Variants in TFEB observed in about 807,000 individuals in gnomAD.
TFEB encodes T-cell transcription factor EB.
Under a neutral mutation model 48.0 loss-of-function variants are expected in TFEB, and 12 were observed. The observed-to-expected ratio is 0.25, with a 90% CI of 0.16 to 0.40. TFEB has a LOEUF of 0.40. Ranked by LOEUF, TFEB falls within the 10% of genes least tolerant of loss-of-function variation. The probability of loss-of-function intolerance (pLI) is 1.00; values close to 1 mark genes in which losing one functional copy is unlikely to be tolerated. For synonymous variants in TFEB, 244 were observed against 261.4 expected, an observed-to-expected ratio of 0.93 and a Z score of 0.64; for missense variants, 509 against 640.3, an observed-to-expected ratio of 0.79 and a Z score of 2.21.
chr6:41,700,292 C>G (rs1334723194), intron 1 of TFEB, among the ~76,000 whole-genome samples: 2 of 152,092 alleles, frequency 1.3e-5, no homozygotes, highest in Non-Finnish European at 2.9e-5. Flanking sequence ...CGGTGAAACC[C>G]CGTCTCTACT....
Position 41,734,446 on chromosome 6 carries a change from C to G in TFEB, c.-23+904G>C, listed in dbSNP as rs1222609077. ...GGGGCCGAGCTGGCATCTGCCCGCT[C>G]CCTTCCAGGAGGCGAGCGGACGCGC... On this transcript the variant is annotated intron_variant, in intron 1 of 8. Coordinates refer to ENST00000373033, the MANE Select transcript of TFEB (RefSeq NM_001271944.2). This position sits in a 1 kb window ranked among gnomAD's most constrained non-coding sequence, Gnocchi z 4.0. 3.2e-6 allele frequency: 3 copies of G among 934,878 alleles called. No individual in the cohort carries two copies. The highest frequency in any genetic ancestry group is 3.8e-6 in the Non-Finnish European group (3 of 784,264). The allele number at this position is 934,878 out of a possible 1,614,324, so 57.9% of individuals were successfully genotyped here. A position where few individuals can be genotyped will look rare whatever the true frequency, so the allele number is the denominator to read the frequency against.
In TFEB at chr6:41,691,618, A is replaced by G; in HGVS notation, c.-22-383T>C. The G allele has an allele frequency of 2.4e-6, 1 of 420,482 alleles. No individual in the cohort carries two copies. Among genetic ancestry groups the G allele is most frequent in the Non-Finnish European group, 4.5e-6 (1 of 222,430 alleles). The allele number at this position is 420,482 out of a possible 1,614,324, so 26.0% of individuals were successfully genotyped here. A position where few individuals can be genotyped will look rare whatever the true frequency, so the allele number is the denominator to read the frequency against. Reference sequence around the variant, plus strand: ...CAGCCTATCCTGGGTCTTACCTGGAATCCCGCAGGAGTAGCCCAGTGTTCA... The same window carrying G: ...CAGCCTATCCTGGGTCTTACCTGGAGTCCCGCAGGAGTAGCCCAGTGTTCA... On this transcript the variant is annotated intron_variant, in intron 1 of 8. Transcript: ENST00000373033. This position sits in a 1 kb window ranked among gnomAD's most constrained non-coding sequence, Gnocchi z 5.2.
At chr6:41,695,516 C>G (rs1394986143) in intron 1 of TFEB, among the ~76,000 whole-genome samples, 5 of 152,068 alleles carry the variant, frequency 3.3e-5, no homozygotes, top group Non-Finnish European at 7.4e-5. Context: ...CCCATTTTTC[C>G]TGGAGGAAAC....
Position 41,691,527 on chromosome 6 carries a change from G to A in TFEB, c.-22-292C>T. On this transcript the variant is annotated intron_variant, in intron 1 of 8. Transcript: ENST00000373033. The surrounding 1 kb of genome is among the most constrained non-coding windows in gnomAD (Gnocchi z 5.2). Reference sequence around the variant, plus strand: ...CAACTTCCACTCCTCTCTGTGTCACGCCCACATCCTGATCCTGTTAGATCC... The same window carrying A: ...CAACTTCCACTCCTCTCTGTGTCACACCCACATCCTGATCCTGTTAGATCC... 2 of 612,500 alleles carry A rather than the reference G, an allele frequency of 3.3e-6. No homozygotes were observed. Among genetic ancestry groups the A allele is most frequent in the Admixed American group, 2.4e-5 (1 of 41,344 alleles). The allele number at this position is 612,500 out of a possible 1,614,324, so 37.9% of individuals were successfully genotyped here. A position where few individuals can be genotyped will look rare whatever the true frequency, so the allele number is the denominator to read the frequency against.
Position 41,684,769 on chromosome 6 carries a change from G to T in TFEB, c.1261C>A (p.His421Asn). The change falls in exon 9 of 9, where the codon CAT (histidine) becomes AAT (asparagine). Residue 421 changes from histidine (H) to asparagine (N), a missense_variant. His to Asn is a moderately conservative substitution (Grantham distance 68, BLOSUM62 1). Around this residue, in one of 4 missense-constraint regions of TFEB, gnomAD observed 168 missense variants for 161.0 expected, o/e 1.04. Coordinates refer to ENST00000373033, the MANE Select transcript of TFEB (RefSeq NM_001271944.2). ...GACAGGCTGGGGAATGGGGAGCCAT[G>T]CCCCGGCGCCAGGGGTTCGGGGTAG... ...PGYPEPLAPG[H>N]GSPFPSLSKK... The T allele has an allele frequency of 1.2e-6, 2 of 1,612,202 alleles. No individual in the cohort carries two copies. The highest frequency in any genetic ancestry group is 3.3e-4 in the Middle Eastern group (2 of 6,054).
At chr6:41,715,788 A>G (rs1234814963) in intron 1 of TFEB, among the ~76,000 whole-genome samples, 1 of 152,174 alleles carries the variant, frequency 6.6e-6, no homozygotes. Context: ...TCTTTCTTGT[A>G]TATAAAGAAG....
intron 1 of TFEB, among the ~76,000 whole-genome samples, chr6:41,715,918 C>T (rs1311197258): frequency 6.6e-6 from 1 of 152,162 alleles, no homozygotes; most frequent in Non-Finnish European, 1.5e-5. Context: ...GACATCACCA[C>T]TGTCGTGGTG....
chr6:41,717,371 T>C (rs1363418059), intron 1 of TFEB, among the ~76,000 whole-genome samples: 1 of 152,168 alleles, frequency 6.6e-6, no homozygotes, highest in African/African-American at 2.4e-5. Context: ...CCAGAAATTA[T>C]AAGAACTGTC....
At position 41,732,953 on chromosome 6, in the gene TFEB, C is replaced by T. The variant is rs895928367; in HGVS notation, c.-23+2397G>A. ...TCATGACAGCTGTGGTTGGGGAAAC[C>T]CCTGTTGCCTGCAGAAACCGAGTTG... On this transcript the variant is annotated intron_variant, in intron 1 of 8. Transcript: ENST00000373033. 3.0e-6 allele frequency: 3 copies of T among 985,334 alleles called. No homozygotes were observed. In the African/African-American group the frequency reaches 5.2e-5, roughly 17 times the overall value. 61.0% of individuals were successfully genotyped at this position (985,334 alleles called of 1,614,324 possible). A position where few individuals can be genotyped will look rare whatever the true frequency, so the allele number is the denominator to read the frequency against.
chr6:41,722,014 C>T (rs1450538994), intron 1 of TFEB, among the ~76,000 whole-genome samples: 2 of 152,164 alleles, frequency 1.3e-5, no homozygotes, highest in African/African-American at 2.4e-5. Flanking sequence ...AGTCTCCCTC[C>T]GTCGTTCAGG....
chr6:41,708,674 A>C (rs1475777057), intron 1 of TFEB, among the ~76,000 whole-genome samples: 2 of 152,190 alleles, frequency 1.3e-5, no homozygotes, highest in Non-Finnish European at 2.9e-5. Context: ...AACTGTTTGC[A>C]CTCATATCCT....
At position 41,716,448 on chromosome 6, in the gene TFEB, C is replaced by A. The variant is rs149384352; in HGVS notation, c.-23+18902G>T. On this transcript the variant is annotated intron_variant, in intron 1 of 8. Transcript: ENST00000373033. ...ATCTGATGAGCACCTTCAGCTCATC[C>A]TCTCCAGCTGTGGTAACACCATCCC... 1.3e-4 allele frequency among the ~76,000 whole-genome samples: 20 copies of A among 152,324 alleles called. No individual in the cohort carries two copies. In the East Asian group the frequency reaches 2.5e-3, roughly 19 times the overall value.
rs765283279 is a variant in TFEB at position 41,691,497 on chromosome 6, A to AATTTTGG, written c.-22-263_-22-262insCCAAAAT. 3.0e-6 allele frequency: 2 copies of AATTTTGG among 667,390 alleles called. No homozygotes were observed. Among genetic ancestry groups the AATTTTGG allele is most frequent in the South Asian group, 3.3e-5 (2 of 60,334 alleles). 41.3% of individuals were successfully genotyped at this position (667,390 alleles called of 1,614,324 possible). On this transcript the variant is annotated intron_variant, in intron 1 of 8. Coordinates refer to ENST00000373033, the MANE Select transcript of TFEB (RefSeq NM_001271944.2). The surrounding 1 kb of genome is among the most constrained non-coding windows in gnomAD (Gnocchi z 5.2). ...TGCAGTTGGTAAATCCCAAACTCTAAGAGTCAACTTCCACTCCTCTCTGTG... is the reference window on the plus strand; with the variant it reads ...TGCAGTTGGTAAATCCCAAACTCTAAATTTTGGGAGTCAACTTCCACTCCTCTCTGTG...
intron 1 of TFEB, among the ~76,000 whole-genome samples, chr6:41,728,108 C>T (rs999119504): frequency 1.3e-5 from 2 of 152,208 alleles, no homozygotes; most frequent in Admixed American, 6.5e-5. Flanking sequence ...GGTATCACCG[C>T]GCTTATGTTG....
chr6:41,714,157 A>G (rs532107206), intron 1 of TFEB, among the ~76,000 whole-genome samples: 2 of 137,482 alleles, frequency 1.5e-5, no homozygotes, highest in South Asian at 4.6e-4. Context: ...GTGCATGTGC[A>G]TGCGTGTGCA....
intron 1 of TFEB, among the ~76,000 whole-genome samples, chr6:41,696,171 A>G (rs1024268274): frequency 2.6e-5 from 4 of 152,338 alleles, no homozygotes; most frequent in African/African-American, 9.6e-5. Context: ...CAGTCCATTC[A>G]GTGGCTTGTG....
At chr6:41,687,021 G>T in intron 7 of TFEB, 73 bp downstream of exon 7, 1 of 1,292,218 alleles carries the variant, frequency 7.7e-7, no homozygotes, top group Non-Finnish European at 1.1e-6. Flanking sequence ...CTAGCATGGG[G>T]CTGAGGGCAG....
At chr6:41,711,557 T>C (rs1000779054) in intron 1 of TFEB, among the ~76,000 whole-genome samples, 2 of 152,168 alleles carry the variant, frequency 1.3e-5, no homozygotes, top group African/African-American at 4.8e-5. Context: ...TTCACAATCC[T>C]GCAGTCACTG....
intron 1 of TFEB, among the ~76,000 whole-genome samples, chr6:41,712,835 TC>T (rs1770543625): frequency 6.6e-6 from 1 of 151,818 alleles, no homozygotes; most frequent in Non-Finnish European, 1.5e-5. Flanking sequence ...GGAGAAAGCC[TC>T]CCCACCCCCT....
Sources: gnomAD v4.1 joint callset for allele counts (sites outside exome capture counted in the v4.1 genomes callset) on GRCh38, gnomAD v4.1.1 for gene constraint, gnomAD v4.1.1 regional missense constraint, Gnocchi (gnomAD v3.1) non-coding constraint, MANE v1.5 for transcripts, NCBI Gene and HGNC (gene_info 2026-07-23, HGNC 2026-07-21) for gene names.